The following CPNE4 variants were observed in gnomAD, a reference collection of about 807,000 sequenced individuals.
CPNE4 encodes the protein copine 4.
CPNE4 carries 25 observed loss-of-function variants against 67.9 expected under a neutral mutation model. The observed-to-expected ratio is 0.37, with a 90% CI of 0.27 to 0.51. The LOEUF (loss-of-function observed/expected upper bound fraction) is 0.51. CPNE4 is among the 20% of genes least tolerant of loss of function. The probability of loss-of-function intolerance (pLI) is 0.93; values close to 1 mark genes in which losing one functional copy is unlikely to be tolerated. For synonymous variants in CPNE4, 242 were observed against 244.9 expected (o/e 0.99, Z 0.11); for missense variants, 464 against 690.8 (o/e 0.67, Z 3.68).
intron 2 of CPNE4, among the ~76,000 whole-genome samples, chr3:131,745,100 A>G (rs1447767702): frequency 6.6e-6 from 1 of 152,182 alleles, no homozygotes. Context: ...CATTTGCTGT[A>G]TCACTATTTA....
intron 7 of CPNE4, among the ~76,000 whole-genome samples, chr3:131,600,361 G>C (rs967066616): frequency 1.3e-5 from 2 of 152,140 alleles, no homozygotes; most frequent in African/African-American, 4.8e-5. Context: ...CCATGAAGTA[G>C]CCAAGTGACC....
At chr3:131,640,684 AC>A (rs974553988) in intron 7 of CPNE4, among the ~76,000 whole-genome samples, 40 of 152,134 alleles carry the variant, frequency 2.6e-4, no homozygotes, top group African/African-American at 9.4e-4. Context: ...TTCATATAGA[AC>A]CAAAAAGGAG....
intron 1 of CPNE4, among the ~76,000 whole-genome samples, chr3:131,959,477 C>A (rs992881317): frequency 6.6e-6 from 1 of 152,086 alleles, no homozygotes; most frequent in Non-Finnish European, 1.5e-5. Context: ...TCACCCAGGC[C>A]AATATGCCTG....
rs1217604054 is a variant in CPNE4 at position 131,723,495 on chromosome 3, C to T, written c.311G>A (p.Gly104Glu). Residue 104 changes from glycine (G) to glutamate (E), a missense_variant, in exon 3 of 16, where the codon GGG becomes GAG. Physicochemically the swap from Gly to Glu is moderately conservative, Grantham distance 98 (BLOSUM62 -2). Coordinates refer to ENST00000429747, the MANE Select transcript of CPNE4 (RefSeq NM_130808.3). ...EVHDISSNHNGLKEADFLGGM... is the reference protein window; with the variant it reads ...EVHDISSNHNELKEADFLGGM... ...ACCAAGGAAGTCGGCCTCCTTCAGC[C>T]CATTGTGGTTGCTGCTGATGTCATG... is the stretch of plus-strand genomic sequence containing the variant. 1.2e-6 allele frequency: 2 copies of T among 1,613,572 alleles called. No homozygotes were observed. The highest frequency in any genetic ancestry group is 2.7e-5 in the African/African-American group (2 of 74,896).
At chr3:131,539,829 A>G (rs547778369) in intron 15 of CPNE4, among the ~76,000 whole-genome samples, 5 of 152,286 alleles carry the variant, frequency 3.3e-5, no homozygotes, top group South Asian at 2.1e-4. Context: ...GTGTCTATCT[A>G]TTTTGTCTGT....
intron 7 of CPNE4, among the ~76,000 whole-genome samples, chr3:131,637,080 C>T (rs1314016235): frequency 6.6e-6 from 1 of 152,064 alleles, no homozygotes; most frequent in Non-Finnish European, 1.5e-5. Flanking sequence ...CATAGTCTAC[C>T]CAAATGAGAA....
intron 2 of CPNE4, among the ~76,000 whole-genome samples, chr3:131,878,152 AT>A (rs2087530363): frequency 6.6e-6 from 1 of 152,224 alleles, no homozygotes; most frequent in African/African-American, 2.4e-5. Context: ...CCATATGCTC[AT>A]TGAAATGATC....
chr3:131,928,425 G>T (rs1011931532), intron 1 of CPNE4, among the ~76,000 whole-genome samples: 4 of 152,230 alleles, frequency 2.6e-5, no homozygotes, highest in African/African-American at 9.6e-5. Flanking sequence ...TATCGTGAAA[G>T]CAGCCCAAAT....
At chr3:131,830,916 G>A (rs1352317498) in intron 2 of CPNE4, among the ~76,000 whole-genome samples, 4 of 152,034 alleles carry the variant, frequency 2.6e-5, no homozygotes, top group African/African-American at 7.2e-5. Context: ...AAGGTACAAA[G>A]ATACAAGGAA....
intron 7 of CPNE4, among the ~76,000 whole-genome samples, chr3:131,661,008 C>G (rs1448478880): frequency 6.6e-6 from 1 of 152,178 alleles, no homozygotes; most frequent in Non-Finnish European, 1.5e-5. Flanking sequence ...AAGATAGAAG[C>G]AACCTGAGTT....
chr3:131,550,788 A>G (rs939367129), intron 13 of CPNE4, among the ~76,000 whole-genome samples: 1 of 152,126 alleles, frequency 6.6e-6, no homozygotes, highest in African/African-American at 2.4e-5. Context: ...AGTGATGGTT[A>G]TCATCACGGA....
chr3:131,792,996 C>T (rs2083819528), intron 2 of CPNE4, among the ~76,000 whole-genome samples: 1 of 151,314 alleles, frequency 6.6e-6, no homozygotes, highest in African/African-American at 2.4e-5. Flanking sequence ...ACCCATGTGA[C>T]ACCACAGTGT....
chr3:131,823,647 A>G (rs2085045177), intron 2 of CPNE4, among the ~76,000 whole-genome samples: 1 of 152,250 alleles, frequency 6.6e-6, no homozygotes, highest in African/African-American at 2.4e-5. Context: ...CTGGAGTTGC[A>G]AAGTCACATT....
At chr3:131,821,113 G>C (rs72987738) in intron 2 of CPNE4, among the ~76,000 whole-genome samples, 4,810 of 152,172 alleles carry the variant, frequency 0.032, 179 homozygotes, top group South Asian at 0.095. Flanking sequence ...GGAGGAGGAG[G>C]TTGGCTTACA....
rs71788145 is a variant in CPNE4 at position 131,737,115 on chromosome 3, C to CT, written c.181-13491dup. Reference sequence around the variant, plus strand: ...TGCCTCTTTTTATGAAGTATTGTGTCTTTTTTTTTTTTTTTTTTTTTTTTT... The same window carrying CT: ...TGCCTCTTTTTATGAAGTATTGTGTCTTTTTTTTTTTTTTTTTTTTTTTTTT... On this transcript the variant is annotated intron_variant, in intron 2 of 15. Transcript: ENST00000429747. 8.9e-3 allele frequency among the ~76,000 whole-genome samples: 440 copies of CT among 49,382 alleles called. 77 individuals carry two copies. Among genetic ancestry groups the CT allele is most frequent in the African/African-American group, 0.019 (252 of 13,080 alleles). 32.4% of individuals were successfully genotyped at this position (49,382 alleles called of 152,430 possible).
rs566731311 is a variant in CPNE4 at position 131,801,248 on chromosome 3, C to T, written c.181-77623G>A. On this transcript the variant is annotated intron_variant, in intron 2 of 15. Coordinates refer to ENST00000429747, the MANE Select transcript of CPNE4 (RefSeq NM_130808.3). ...CCTGGAATTTTCTAAAAAGCTTATG[C>T]TGCTTTCCAGATTGAAATAGGGTCC... Among the ~76,000 whole-genome samples, 261 of 151,014 alleles carry T rather than the reference C, an allele frequency of 1.7e-3. 1 individual carries two copies. The highest frequency in any genetic ancestry group is 2.6e-3 in the Non-Finnish European group (177 of 67,836).
chr3:131,816,683 C>G (rs2107956970), intron 2 of CPNE4, among the ~76,000 whole-genome samples: 1 of 152,210 alleles, frequency 6.6e-6, no homozygotes, highest in East Asian at 1.9e-4. Context: ...GCTTAACACC[C>G]AGGGATTTTC....
chr3:131,919,017 T>C (rs759620385), intron 1 of CPNE4, among the ~76,000 whole-genome samples: 24 of 152,058 alleles, frequency 1.6e-4, no homozygotes, highest in Admixed American at 6.6e-5. Flanking sequence ...GTGTAGGAGG[T>C]GCTGTCTTTC....
intron 7 of CPNE4, among the ~76,000 whole-genome samples, chr3:131,637,641 T>C (rs1202461258): frequency 6.6e-6 from 1 of 152,182 alleles, no homozygotes; most frequent in Admixed American, 6.5e-5. Context: ...GAGAAAAATT[T>C]TCCCAGCTTT....
Sources: allele counts gnomAD v4.1 joint callset (sites outside exome capture counted in the v4.1 genomes callset), GRCh38; gene constraint gnomAD v4.1.1; transcripts MANE v1.5; gene names NCBI Gene and HGNC (gene_info 2026-07-23, HGNC 2026-07-21).